AHRR: variants seen among roughly 807,000 people sequenced by gnomAD.
AHRR encodes the protein ahR repressor.
AHRR carries 28 observed loss-of-function variants against 44.0 expected under a neutral mutation model. The observed-to-expected ratio is 0.64, with a 90% confidence interval of 0.47 to 0.87. The LOEUF (loss-of-function observed/expected upper bound fraction) is 0.87. Ranked by LOEUF, AHRR falls within the 40% of genes least tolerant of loss-of-function variation. The pLI, the probability that AHRR is intolerant of heterozygous loss-of-function variation, is 0.00. For synonymous variants in AHRR, 434 were observed against 407.0 expected (o/e 1.07, Z -0.80); for missense variants, 990 against 953.9 (o/e 1.04, Z -0.50).
At chr5:429,454 C>T (rs114204748) in intron 8 of AHRR, among the ~76,000 whole-genome samples, 4,517 of 152,272 alleles carry the variant, frequency 0.03, 130 homozygotes, top group Middle Eastern at 0.082. Context: ...CGGGGCTGAG[C>T]GCAGGGCAGA....
chr5:389,463 C>G (rs970485141), intron 4 of AHRR, among the ~76,000 whole-genome samples: 1 of 152,210 alleles, frequency 6.6e-6, no homozygotes, highest in African/African-American at 2.4e-5. Context: ...CCACGTGCTG[C>G]GTAGCCGGAA....
chr5:375,338 C>T lies in AHRR; in HGVS notation c.245-1272C>T, dbSNP rs560949357. Among the ~76,000 whole-genome samples, 31 of 152,306 alleles carry T rather than the reference C, an allele frequency of 2.0e-4. No individual in the cohort carries two copies. In the South Asian group the frequency reaches 4.8e-3, roughly 23 times the overall value. On this transcript the variant is annotated intron_variant, in intron 3 of 10. Transcript: ENST00000684583. Reference sequence around the variant, plus strand: ...CTCAAACTTGATTTTCTGTCTGGGTCGGGCTCTTGCTGAGCAGTGGGGTGG... The same window carrying T: ...CTCAAACTTGATTTTCTGTCTGGGTTGGGCTCTTGCTGAGCAGTGGGGTGG...
intron 2 of AHRR, among the ~76,000 whole-genome samples, chr5:345,113 GCTGTGTGT>G: frequency 1.2e-4 from 5 of 42,404 alleles, no homozygotes; most frequent in African/African-American, 7.5e-4. Context: ...GATGTCCCTG[GCTGTGTGT>G]GGGGATGTGT....
At chr5:399,975 G>A (rs540177752) in intron 4 of AHRR, among the ~76,000 whole-genome samples, 3 of 152,346 alleles carry the variant, frequency 2.0e-5, no homozygotes, top group Admixed American at 6.5e-5. Context: ...TCGCACGCAC[G>A]CAAGCCCCAT....
At chr5:428,759 C>T (rs1034552652) in intron 8 of AHRR, among the ~76,000 whole-genome samples, 2 of 152,168 alleles carry the variant, frequency 1.3e-5, no homozygotes, top group Admixed American at 6.5e-5. Context: ...TGTAACTAGG[C>T]GGCCCCATGG....
intron 4 of AHRR, 41 bp from the exon 5 acceptor site, chr5:413,303 A>G (rs976658122): frequency 7.2e-7 from 1 of 1,398,404 alleles, no homozygotes; most frequent in Non-Finnish European, 9.9e-7. Flanking sequence ...ATTTTGGGTG[A>G]GCCAATTCGA....
chr5:415,102 C>T (rs1560915422), intron 5 of AHRR, among the ~76,000 whole-genome samples: 1 of 152,356 alleles, frequency 6.6e-6, no homozygotes, highest in Non-Finnish European at 1.5e-5. Context: ...GGAAACCTCC[C>T]TTTGGGACCC....
At chr5:329,936 C>G (rs568192578) in intron 1 of AHRR, among the ~76,000 whole-genome samples, 1 of 152,206 alleles carries the variant, frequency 6.6e-6, no homozygotes, top group African/African-American at 2.4e-5. Flanking sequence ...TTCCTCTTTT[C>G]CAGTCTGAAT....
At chr5:415,218 T>C (rs1048190243) in intron 5 of AHRR, among the ~76,000 whole-genome samples, 1 of 152,230 alleles carries the variant, frequency 6.6e-6, no homozygotes, top group African/African-American at 2.4e-5. Flanking sequence ...ACCCAGCACC[T>C]CTGCCTACGA....
intron 2 of AHRR, among the ~76,000 whole-genome samples, chr5:345,609 G>A (rs1227291340): frequency 1.4e-5 from 2 of 146,904 alleles, no homozygotes; most frequent in South Asian, 4.4e-4. Context: ...TGTGTGTGTG[G>A]GTGTGTGTGT....
At chr5:426,941 A>C (rs1026043176) in intron 7 of AHRR, among the ~76,000 whole-genome samples, 3 of 144,172 alleles carry the variant, frequency 2.1e-5, no homozygotes, top group African/African-American at 5.2e-5. Context: ...ACATGGCTGG[A>C]TGGATGGGAA....
intron 3 of AHRR, among the ~76,000 whole-genome samples, chr5:375,312 C>T (rs1055928276): frequency 6.6e-6 from 1 of 152,310 alleles, no homozygotes; most frequent in South Asian, 2.1e-4. Flanking sequence ...AGGCGGTGCC[C>T]CTCAAACTTG....
intron 4 of AHRR, among the ~76,000 whole-genome samples, chr5:380,926 C>T (rs943215232): frequency 6.6e-6 from 1 of 152,240 alleles, no homozygotes; most frequent in African/African-American, 2.4e-5. Flanking sequence ...AGCCCCAGAA[C>T]TAGAGAAGCT....
At chr5:325,595 G>A (rs1186849182) in intron 1 of AHRR, among the ~76,000 whole-genome samples, 1 of 152,080 alleles carries the variant, frequency 6.6e-6, no homozygotes, top group African/African-American at 2.4e-5. Flanking sequence ...AGCACCTCGG[G>A]GGGAGGGCTG....
intron 4 of AHRR, among the ~76,000 whole-genome samples, chr5:379,150 G>A (rs940630696): frequency 6.6e-6 from 1 of 152,194 alleles, no homozygotes; most frequent in Non-Finnish European, 1.5e-5. Context: ...CATGGCCTTT[G>A]GAGGCCAGCT....
At chr5:355,991 A>G (rs570570757) in intron 3 of AHRR, among the ~76,000 whole-genome samples, 8 of 152,388 alleles carry the variant, frequency 5.2e-5, no homozygotes, top group Non-Finnish European at 1.0e-4. Context: ...TAAAAGTTAG[A>G]TCTTAAACTA....
intron 1 of AHRR, among the ~76,000 whole-genome samples, chr5:335,218 T>C (rs1307945237): frequency 6.6e-6 from 1 of 152,124 alleles, no homozygotes; most frequent in Non-Finnish European, 1.5e-5. Flanking sequence ...CAGTGTACCA[T>C]GCGAGTGAGC....
chr5:379,444 C>T (rs1015265267), intron 4 of AHRR, among the ~76,000 whole-genome samples: 3 of 152,140 alleles, frequency 2.0e-5, no homozygotes, highest in Non-Finnish European at 2.9e-5. Flanking sequence ...GAATAGTAAG[C>T]GTGTTTTTAA....
At chr5:374,749 C>G (rs1040675087) in intron 3 of AHRR, among the ~76,000 whole-genome samples, 1 of 152,244 alleles carries the variant, frequency 6.6e-6, no homozygotes, top group East Asian at 1.9e-4. Flanking sequence ...CCCTCGCCCC[C>G]CACGGACACC....
Sources: gnomAD v4.1 joint callset for allele counts (sites outside exome capture counted in the v4.1 genomes callset) on GRCh38, gnomAD v4.1.1 for gene constraint, MANE v1.5 for transcripts, NCBI Gene and HGNC (gene_info 2026-07-23, HGNC 2026-07-21) for gene names.